Variants in PTCHD4 observed in about 807,000 individuals in gnomAD.
PTCHD4 encodes patched domain-containing protein 4.
A neutral mutation model predicts 58.1 loss-of-function variants in PTCHD4; 33 were observed. The observed-to-expected ratio is 0.57, with a 90% CI of 0.43 to 0.76. The LOEUF is 0.76. Ranked by LOEUF, PTCHD4 falls within the 30% of genes least tolerant of loss-of-function variation. The pLI is 0.00. For missense variants in PTCHD4, 1,058 were observed against 1,027.1 expected (o/e 1.03, Z -0.41); for synonymous variants, 478 against 409.6 (o/e 1.17, Z -2.02).
At chr6:47,915,608 GAA>G (rs1260743438) in intron 4 of PTCHD4, among the ~76,000 whole-genome samples, 3 of 150,020 alleles carry the variant, frequency 2.0e-5, no homozygotes, top group Non-Finnish European at 3.0e-5. Flanking sequence ...AACTGAAGCT[GAA>G]AAAGAGTGAA....
At chr6:48,005,081 G>A (rs546636903) in intron 4 of PTCHD4, among the ~76,000 whole-genome samples, 3 of 152,218 alleles carry the variant, frequency 2.0e-5, no homozygotes, top group South Asian at 2.1e-4. Flanking sequence ...TATAAAAATT[G>A]TCACTGGCTT....
rs1425005487 is a variant in PTCHD4, at chr6:47,860,471, A to G, written c.*17832T>C. On this transcript the variant is annotated 3_prime_UTR_variant, in exon 5 of 5. Coordinates refer to ENST00000339488, the MANE Select transcript of PTCHD4 (RefSeq NM_001384253.1). Reference sequence around the variant, plus strand: ...ATGATCTGATTTTGTTTAGTAATCTACATCATTGCTTATCCCAACTTAGAG... The same window carrying G: ...ATGATCTGATTTTGTTTAGTAATCTGCATCATTGCTTATCCCAACTTAGAG... Among the ~76,000 whole-genome samples the G allele has an allele frequency of 6.6e-6, 1 of 152,026 alleles. No homozygotes were observed. Among genetic ancestry groups the G allele is most frequent in the African/African-American group, 2.4e-5 (1 of 41,428 alleles).
chr6:47,901,666 G>A, intron 4 of PTCHD4: 1 of 1,146,000 alleles, frequency 8.7e-7, no homozygotes, highest in East Asian at 6.1e-5. Flanking sequence ...GCACAGGGAG[G>A]AAAGAAATAC....
chr6:47,991,985 T>C (rs576568497), intron 4 of PTCHD4, among the ~76,000 whole-genome samples: 57 of 152,076 alleles, frequency 3.7e-4, no homozygotes, highest in African/African-American at 1.3e-3. Flanking sequence ...CAAAATTATT[T>C]TGAAGGAACT....
rs1204002653 is a variant in PTCHD4 at position 47,861,171 on chromosome 6, A to G, written c.*17132T>C. 6.6e-6 allele frequency among the ~76,000 whole-genome samples: 1 copy of G among 151,980 alleles called. No individual in the cohort carries two copies. Among genetic ancestry groups the G allele is most frequent in the Non-Finnish European group, 1.5e-5 (1 of 67,930 alleles). On this transcript the variant is annotated 3_prime_UTR_variant, in exon 5 of 5. Transcript: ENST00000339488. ...TGTAGATGAATTCTTCTTTTTACCTAAACTACTTAGTCCTGATTTTTCTTT... is the reference window on the plus strand; with the variant it reads ...TGTAGATGAATTCTTCTTTTTACCTGAACTACTTAGTCCTGATTTTTCTTT...
In PTCHD4 at chr6:47,876,200, A is replaced by C. The variant is rs1389583098; in HGVS notation, c.*2103T>G. The stretch of plus-strand genomic sequence containing the variant: ...AAATACCAGTTCATTCTAGTACAGC[A>C]GTTCATGAGGCAAAAGGCTAGGAGT... On this transcript the variant is annotated 3_prime_UTR_variant, in exon 5 of 5. Transcript: ENST00000339488. 6.6e-6 allele frequency among the ~76,000 whole-genome samples: 1 copy of C among 151,856 alleles called. No individual in the cohort carries two copies. The highest frequency in any genetic ancestry group is 1.9e-4 in the East Asian group (1 of 5,152).
At chr6:47,932,833 C>T (rs569327700) in intron 4 of PTCHD4, among the ~76,000 whole-genome samples, 63 of 152,290 alleles carry the variant, frequency 4.1e-4, no homozygotes, top group Non-Finnish European at 7.1e-4. Context: ...TACTTCATTT[C>T]CCTGACTCTA....
At position 47,879,067 on chromosome 6, in the gene PTCHD4, T is replaced by A; in HGVS notation, c.1768A>T (p.Ile590Phe). The A allele has an allele frequency of 1.9e-6, 3 of 1,613,332 alleles. No homozygotes were observed. The African/African-American group carries it at 4.0e-5, about 22-fold the overall frequency. ...PEFQHFRNDIIFSKAGDESNI... is the reference protein window; with the variant it reads ...PEFQHFRNDIFFSKAGDESNI... ...CTTTCATCCCCTGCCTTGGAGAAGATGATATCATTTCGAAAATGCTGGAAT... is the reference window on the plus strand; with the variant it reads ...CTTTCATCCCCTGCCTTGGAGAAGAAGATATCATTTCGAAAATGCTGGAAT... Residue 590 changes from isoleucine to phenylalanine, a missense_variant, in exon 5 of 5, where the codon ATC (isoleucine) becomes TTC (phenylalanine). Ile to Phe is a conservative substitution (Grantham distance 21, BLOSUM62 0). Transcript: ENST00000339488.
At chr6:48,000,737 T>C (rs1447913044) in intron 4 of PTCHD4, among the ~76,000 whole-genome samples, 1 of 152,166 alleles carries the variant, frequency 6.6e-6, no homozygotes, top group Non-Finnish European at 1.5e-5. Context: ...CCTTTACCTA[T>C]AGTAGGTGAA....
At chr6:47,922,525 G>T (rs542314639) in intron 4 of PTCHD4, among the ~76,000 whole-genome samples, 2 of 152,282 alleles carry the variant, frequency 1.3e-5, no homozygotes, top group South Asian at 4.2e-4. Context: ...ACAACTTGGC[G>T]AGAGGGCTCA....
At chr6:47,902,012 T>C (rs1216824469) in intron 4 of PTCHD4, 2 of 921,100 alleles carry the variant, frequency 2.2e-6, no homozygotes, top group Non-Finnish European at 3.1e-6. Flanking sequence ...CCACTTAGTA[T>C]AGTAAAAACA....
intron 4 of PTCHD4, among the ~76,000 whole-genome samples, chr6:47,914,700 G>C (rs955536470): frequency 3.1e-5 from 3 of 96,916 alleles, no homozygotes; most frequent in African/African-American, 9.3e-5. Flanking sequence ...CTATCTGTCT[G>C]TCTGTCTGTC....
chr6:47,955,722 C>T (rs1766832166), intron 4 of PTCHD4, among the ~76,000 whole-genome samples: 1 of 152,106 alleles, frequency 6.6e-6, no homozygotes, highest in African/African-American at 2.4e-5. Context: ...GAAGTGTTTA[C>T]TTGTGGTTAC....
At chr6:47,971,318 A>T (rs184296262) in intron 4 of PTCHD4, among the ~76,000 whole-genome samples, 1 of 150,664 alleles carries the variant, frequency 6.6e-6, no homozygotes, top group Non-Finnish European at 1.5e-5. Context: ...TTGGAAATTG[A>T]AAGTATGATT....
chr6:48,005,067 A>C (rs1762383909), intron 4 of PTCHD4, among the ~76,000 whole-genome samples: 1 of 152,218 alleles, frequency 6.6e-6, no homozygotes. Context: ...ACACCAGGAC[A>C]AAGTATAAAA....
intron 4 of PTCHD4, among the ~76,000 whole-genome samples, chr6:47,929,672 T>G (rs1381843467): frequency 6.6e-6 from 1 of 152,234 alleles, no homozygotes; most frequent in Non-Finnish European, 1.5e-5. Context: ...AAAGTTTGAA[T>G]CATTGCCTGA....
chr6:48,105,885 C>A (rs1765708037), intron 1 of PTCHD4, among the ~76,000 whole-genome samples: 6 of 152,046 alleles, frequency 3.9e-5, no homozygotes, highest in Admixed American at 3.9e-4. Flanking sequence ...ATACACTCTC[C>A]CAAGACTAAA....
At chr6:48,041,310 G>A (rs916320396) in intron 3 of PTCHD4, among the ~76,000 whole-genome samples, 1 of 152,040 alleles carries the variant, frequency 6.6e-6, no homozygotes, top group African/African-American at 2.4e-5. Context: ...TAGGACATCA[G>A]CTCTTTAGTT....
intron 4 of PTCHD4, among the ~76,000 whole-genome samples, chr6:47,914,722 CTATCTATCTAT>C (rs199624434): frequency 1.9e-3 from 174 of 89,656 alleles, no homozygotes; most frequent in South Asian, 6.5e-3. Context: ...CTCTGTCTGT[CTATCTATCTAT>C]TATCTATCTA....
Sources: gnomAD v4.1 joint callset for allele counts (sites outside exome capture counted in the v4.1 genomes callset) on GRCh38, gnomAD v4.1.1 for gene constraint, MANE v1.5 for transcripts, NCBI Gene and HGNC (gene_info 2026-07-23, HGNC 2026-07-21) for gene names.